The following DNAJC3 variants were observed in gnomAD, a reference collection of about 807,000 sequenced individuals.
DNAJC3 encodes dnaJ homolog subfamily C member 3.
DNAJC3 carries 38 observed loss-of-function variants against 68.6 expected under a neutral mutation model. That is an observed-to-expected ratio of 0.55 (90% CI 0.43 to 0.73). The LOEUF is 0.73. Ranked by LOEUF, DNAJC3 falls within the 30% of genes least tolerant of loss-of-function variation. DNAJC3 has a pLI of 0.00. For synonymous variants in DNAJC3, 203 were observed against 204.0 expected (o/e 1.00, Z 0.04); for missense variants, 526 against 591.9 (o/e 0.89, Z 1.16).
rs2139613495 is a variant in DNAJC3 at position 95,697,503 on chromosome 13, T to C, written c.83-11724T>C. Among the ~76,000 whole-genome samples the C allele has an allele frequency of 1.3e-5, 2 of 152,348 alleles. 1 individual carries two copies. Among genetic ancestry groups the C allele is most frequent in the South Asian group, 4.1e-4 (2 of 4,832 alleles). ...ACTACATTCCTTGGTTATGTTCGTC[T>C]TGTATAGTATCTTCCAGGTGCCCTG... is the stretch of plus-strand genomic sequence containing the variant. On this transcript the variant is annotated intron_variant, in intron 1 of 11. Transcript: ENST00000602402.
intron 1 of DNAJC3, among the ~76,000 whole-genome samples, chr13:95,701,835 T>A (rs1880593600): frequency 6.6e-6 from 1 of 152,272 alleles, no homozygotes; most frequent in African/African-American, 2.4e-5. Context: ...GCCCTCACAG[T>A]ACCCTGTGTA....
rs145497583 is a variant in DNAJC3 at position 95,753,174 on chromosome 13, G to A, written c.394-4470G>A. 4.4e-3 allele frequency among the ~76,000 whole-genome samples: 664 copies of A among 152,202 alleles called. 3 individuals carry two copies. The highest frequency in any genetic ancestry group is 0.015 in the African/African-American group (638 of 41,540). Reference sequence around the variant, plus strand: ...TTCTTTCCGTATGGTTGTACATGCTGTGTGTTTTTCTCATACTCGTTACCT... The same window carrying A: ...TTCTTTCCGTATGGTTGTACATGCTATGTGTTTTTCTCATACTCGTTACCT... On this transcript the variant is annotated intron_variant, in intron 4 of 11. Coordinates refer to ENST00000602402, the MANE Select transcript of DNAJC3 (RefSeq NM_006260.5).
At chr13:95,767,863 T>G (rs1413318264) in intron 9 of DNAJC3, among the ~76,000 whole-genome samples, 1 of 150,274 alleles carries the variant, frequency 6.7e-6, no homozygotes, top group Admixed American at 6.6e-5. Context: ...CTTTTTTTTT[T>G]CTTTTTTTTT....
intron 4 of DNAJC3, among the ~76,000 whole-genome samples, chr13:95,739,470 G>A (rs1882050822): frequency 6.6e-6 from 1 of 151,350 alleles, no homozygotes. Context: ...CCAGTCAGAC[G>A]TAGATTTGGT....
chr13:95,688,558 C>T (rs564799385), intron 1 of DNAJC3, among the ~76,000 whole-genome samples: 1 of 151,902 alleles, frequency 6.6e-6, no homozygotes, highest in Admixed American at 6.6e-5. Context: ...CATTGTCCCC[C>T]AGGCTGGAGT....
chr13:95,745,797 C>T (rs1031878539), intron 4 of DNAJC3: 1 of 152,172 alleles, frequency 6.6e-6, no homozygotes, highest in Non-Finnish European at 1.5e-5. Flanking sequence ...TTTAGGTTGA[C>T]ACTCTTTTGT....
intron 1 of DNAJC3, chr13:95,692,421 CTAG>C (rs1218025227): frequency 6.6e-6 from 1 of 151,924 alleles, no homozygotes; most frequent in Non-Finnish European, 1.5e-5. Context: ...TTTCTTAGGT[CTAG>C]TAGTAGGAGT....
At chr13:95,747,421 G>A (rs981523032) in intron 4 of DNAJC3, among the ~76,000 whole-genome samples, 3 of 152,138 alleles carry the variant, frequency 2.0e-5, no homozygotes, top group African/African-American at 7.2e-5. Context: ...TAAGCAAGGT[G>A]GGTAGGAGGA....
rs562720448 is a variant in DNAJC3, at chr13:95,703,065, A to C, written c.83-6162A>C. Among the ~76,000 whole-genome samples the C allele has an allele frequency of 2.6e-5, 4 of 152,358 alleles. 1 individual carries two copies. The highest frequency in any genetic ancestry group is 9.6e-5 in the African/African-American group (4 of 41,586). On this transcript the variant is annotated intron_variant, in intron 1 of 11. Transcript: ENST00000602402. ...CATGGTGGTTATGTTCTGTAAAGTC[A>C]TCGTGAACACTGCATTAGCAAATAT...
intron 4 of DNAJC3, among the ~76,000 whole-genome samples, chr13:95,727,943 A>T (rs893702188): frequency 6.6e-6 from 1 of 152,164 alleles, no homozygotes; most frequent in African/African-American, 2.4e-5. Flanking sequence ...GCATCCACTA[A>T]TTTGATATTC....
rs1043989279 is a variant in DNAJC3 at position 95,722,835 on chromosome 13, C to T, written c.194-407C>T. 2.7e-4 allele frequency among the ~76,000 whole-genome samples: 8 copies of T among 29,390 alleles called. 1 individual carries two copies. Among genetic ancestry groups the T allele is most frequent in the African/African-American group, 4.2e-4 (4 of 9,492 alleles). 19.3% of individuals were successfully genotyped at this position (29,390 alleles called of 152,430 possible). A position where few individuals can be genotyped will look rare whatever the true frequency, so the allele number is the denominator to read the frequency against. ...TGTCCGCCCCCCCCCCCCCCCCCCCCCCCCGCCGAAAAAGGTTATAAGTTG... is the reference window on the plus strand; with the variant it reads ...TGTCCGCCCCCCCCCCCCCCCCCCCTCCCCGCCGAAAAAGGTTATAAGTTG... On this transcript the variant is annotated intron_variant, in intron 2 of 11. Transcript: ENST00000602402.
At position 95,710,967 on chromosome 13, in the gene DNAJC3, G is replaced by T. The variant is rs367608527; in HGVS notation, c.193+1630G>T. Among the ~76,000 whole-genome samples, 9 of 152,286 alleles carry T rather than the reference G, an allele frequency of 5.9e-5. No homozygotes were observed. In the South Asian group the frequency reaches 1.9e-3, roughly 32 times the overall value. On this transcript the variant is annotated intron_variant, in intron 2 of 11. Coordinates refer to ENST00000602402, the MANE Select transcript of DNAJC3 (RefSeq NM_006260.5). Reference sequence around the variant, plus strand: ...AGCCTCCCAAAGTGCTGGGATTATAGGTGTGAGCTACCGTGCCCAGCTGGT... The same window carrying T: ...AGCCTCCCAAAGTGCTGGGATTATATGTGTGAGCTACCGTGCCCAGCTGGT...
intron 2 of DNAJC3, among the ~76,000 whole-genome samples, chr13:95,720,237 T>G (rs1881280592): frequency 6.6e-6 from 1 of 152,208 alleles, no homozygotes; most frequent in Admixed American, 6.5e-5. Flanking sequence ...TGAGTAGGAT[T>G]TGGACATATG....
At chr13:95,717,652 A>G (rs1043778931) in intron 2 of DNAJC3, among the ~76,000 whole-genome samples, 1 of 152,130 alleles carries the variant, frequency 6.6e-6, no homozygotes, top group African/African-American at 2.4e-5. Context: ...AATCATGGGG[A>G]TGGTTCCCCC....
rs980992308 is a variant in DNAJC3, at chr13:95,741,741, G to T, written c.394-15903G>T. 1.3e-5 allele frequency among the ~76,000 whole-genome samples: 2 copies of T among 152,180 alleles called. 1 individual carries two copies. Among genetic ancestry groups the T allele is most frequent in the South Asian group, 4.1e-4 (2 of 4,832 alleles). ...AGTGGGGCAGTCCCAGGCCACAGGT[G>T]GTGTGTCCTGGTGTATGCTACTGTG... On this transcript the variant is annotated intron_variant, in intron 4 of 11. Coordinates refer to ENST00000602402, the MANE Select transcript of DNAJC3 (RefSeq NM_006260.5).
At chr13:95,743,423 C>T (rs572152811) in intron 4 of DNAJC3, among the ~76,000 whole-genome samples, 14 of 152,242 alleles carry the variant, frequency 9.2e-5, no homozygotes, top group Admixed American at 1.3e-4. Context: ...TGATTAGTGG[C>T]GGTTTGGCTG....
intron 2 of DNAJC3, among the ~76,000 whole-genome samples, chr13:95,718,824 A>C (rs1881232379): frequency 6.6e-6 from 1 of 152,180 alleles, no homozygotes; most frequent in Non-Finnish European, 1.5e-5. Context: ...TGGTCACCAA[A>C]ATGTGTGGGA....
intron 4 of DNAJC3, among the ~76,000 whole-genome samples, chr13:95,753,646 T>C (rs544692500): frequency 6.6e-6 from 1 of 151,762 alleles, no homozygotes; most frequent in South Asian, 2.1e-4. Context: ...GGTTCTATTA[T>C]TCTAGGACCT....
chr13:95,757,674 A>G lies in DNAJC3; in HGVS notation c.424A>G (p.Lys142Glu). The change falls in exon 5 of 12, where the codon AAG becomes GAG. Residue 142 changes from lysine (K) to glutamate (E), a missense_variant. By Grantham distance (56) the Lys-to-Glu change is moderately conservative. Coordinates refer to ENST00000602402, the MANE Select transcript of DNAJC3 (RefSeq NM_006260.5). ...LKSNPSENEEKEAQSQLIKSD... is the reference protein window; with the variant it reads ...LKSNPSENEEEEAQSQLIKSD... ...ATCTAATCCAAGTGAAAATGAAGAA[A>G]AGGAAGCACAGTCTCAACTTATAAA... 1 of 1,572,146 alleles carries G rather than the reference A, an allele frequency of 6.4e-7. No homozygotes were observed. The highest frequency in any genetic ancestry group is 8.7e-7 in the Non-Finnish European group (1 of 1,148,050).
Sources: gnomAD v4.1 joint callset for allele counts (sites outside exome capture counted in the v4.1 genomes callset) on GRCh38, gnomAD v4.1.1 for gene constraint, MANE v1.5 for transcripts, NCBI Gene and HGNC (gene_info 2026-07-23, HGNC 2026-07-21) for gene names.